The following BCAT1 variants were observed in gnomAD, a reference collection of about 807,000 sequenced individuals.
The protein encoded by BCAT1 is branched-chain-amino-acid aminotransferase, cytosolic.
In BCAT1, 48 loss-of-function variants were observed where a neutral mutation model predicts 52.4. The observed-to-expected ratio is 0.92, with a 90% CI of 0.73 to 1.16. BCAT1 has a LOEUF of 1.16. Ranked by LOEUF, BCAT1 falls within the 50% of genes most tolerant of loss-of-function variation. The pLI is 0.00. For missense variants in BCAT1, 451 were observed against 457.1 expected (o/e 0.99, Z 0.12); for synonymous variants, 167 against 161.3 (o/e 1.04, Z -0.27).
At chr12:24,906,532 AATAG>A (rs1221071720) in intron 1 of BCAT1, among the ~76,000 whole-genome samples, 3 of 152,210 alleles carry the variant, frequency 2.0e-5, no homozygotes, top group African/African-American at 7.2e-5. Context: ...AAAATGAGAC[AATAG>A]CAACACTTCA....
intron 10 of BCAT1, among the ~76,000 whole-genome samples, chr12:24,818,953 C>T (rs954556660): frequency 7.2e-5 from 11 of 152,146 alleles, no homozygotes; most frequent in Admixed American, 2.6e-4. Context: ...AGGCCAATGT[C>T]ATCATGCCAG....
chr12:24,846,024 C>A (rs934379504), intron 6 of BCAT1, among the ~76,000 whole-genome samples: 4 of 152,170 alleles, frequency 2.6e-5, no homozygotes, highest in Non-Finnish European at 5.9e-5. Context: ...GCCCTTTAGA[C>A]TGTATTAAAA....
intron 5 of BCAT1, among the ~76,000 whole-genome samples, chr12:24,850,985 G>C (rs1456447036): frequency 6.6e-6 from 1 of 152,132 alleles, no homozygotes; most frequent in Non-Finnish European, 1.5e-5. Context: ...ACACTGTAAA[G>C]CCAGAAGCCC....
chr12:24,832,757 A>T lies in BCAT1; in HGVS notation c.1010T>A (p.Val337Asp). The T allele has an allele frequency of 6.2e-7, 1 of 1,611,402 alleles. No individual in the cohort carries two copies. The highest frequency in any genetic ancestry group is 8.5e-7 in the Non-Finnish European group (1 of 1,178,664). ...GTACAGTATATCAGAAACTGGGCAA[A>T]CAACACAGGCTGTACCAGAGCCAAA... The part of the protein sequence containing the change: ...EMFGSGTACV[V>D]CPVSDILYKG... Residue 337 changes from valine (V) to aspartate (D), a missense_variant, in exon 9 of 11, where the codon GTT becomes GAT. Transcript: ENST00000261192.
intron 5 of BCAT1, among the ~76,000 whole-genome samples, chr12:24,874,665 T>A (rs958941492): frequency 6.6e-6 from 1 of 152,174 alleles, no homozygotes; most frequent in Non-Finnish European, 1.5e-5. Flanking sequence ...GGATGGTGAG[T>A]CCTTTAAAAG....
intron 5 of BCAT1, among the ~76,000 whole-genome samples, chr12:24,851,434 A>G (rs192853931): frequency 1.7e-3 from 265 of 152,364 alleles, no homozygotes; most frequent in African/African-American, 6.1e-3. Context: ...CACCAAAATC[A>G]GGCAGGTAAA....
intron 5 of BCAT1, among the ~76,000 whole-genome samples, chr12:24,866,934 T>C (rs1455163645): frequency 6.6e-6 from 1 of 152,064 alleles, no homozygotes; most frequent in Non-Finnish European, 1.5e-5. Flanking sequence ...GAAGCTTTGT[T>C]CTCTCGCTCT....
At chr12:24,943,756 G>A (rs543718584) in intron 1 of BCAT1, among the ~76,000 whole-genome samples, 7 of 152,200 alleles carry the variant, frequency 4.6e-5, no homozygotes, top group South Asian at 4.2e-4. Flanking sequence ...TGGCCGAGGC[G>A]GGCAGATCAC....
intron 1 of BCAT1, among the ~76,000 whole-genome samples, chr12:24,941,472 G>C (rs1323331713): frequency 6.6e-6 from 1 of 152,200 alleles, no homozygotes; most frequent in East Asian, 1.9e-4. Flanking sequence ...AGTGTGGAAA[G>C]ATGTATGTGC....
chr12:24,849,022 G>A (rs981010132), intron 6 of BCAT1, among the ~76,000 whole-genome samples: 12 of 152,218 alleles, frequency 7.9e-5, no homozygotes, highest in Non-Finnish European at 1.6e-4. Context: ...GTCCTACCAG[G>A]GCCCACAAGA....
At position 24,893,437 on chromosome 12, in the gene BCAT1, C is replaced by T. The variant is rs11047691; in HGVS notation, c.279+838G>A. On this transcript the variant is annotated intron_variant, in intron 3 of 10. Transcript: ENST00000261192. Reference sequence around the variant, plus strand: ...AAGGTTCCTATGGAGCAAATGAGACCGAATTTGAGCCCAGGATGTCTGACT... The same window carrying T: ...AAGGTTCCTATGGAGCAAATGAGACTGAATTTGAGCCCAGGATGTCTGACT... Among the ~76,000 whole-genome samples the T allele has an allele frequency of 9.3e-3, 1,408 of 152,020 alleles. 24 individuals are homozygous for T. Among genetic ancestry groups the T allele is most frequent in the African/African-American group, 0.032 (1,308 of 41,444 alleles).
intron 1 of BCAT1, among the ~76,000 whole-genome samples, chr12:24,928,456 G>A (rs1026323465): frequency 1.3e-5 from 2 of 151,970 alleles, no homozygotes; most frequent in African/African-American, 4.8e-5. Context: ...CTGGGCAAAA[G>A]GGGGATCTGG....
intron 6 of BCAT1, among the ~76,000 whole-genome samples, chr12:24,844,655 T>C (rs1941280835): frequency 6.6e-6 from 1 of 150,988 alleles, no homozygotes; most frequent in African/African-American, 2.4e-5. Context: ...TCCCAGCACT[T>C]TGGGAGGCGA....
At chr12:24,868,621 T>G (rs1000732710) in intron 5 of BCAT1, among the ~76,000 whole-genome samples, 1 of 152,158 alleles carries the variant, frequency 6.6e-6, no homozygotes, top group African/African-American at 2.4e-5. Context: ...ATATGTTACT[T>G]GATAACAAAG....
In BCAT1 at chr12:24,812,787, G is replaced by T. The variant is rs995900748; in HGVS notation, c.*5221C>A. The T allele has an allele frequency of 6.6e-6, 1 of 151,852 alleles. No individual in the cohort carries two copies. Among genetic ancestry groups the T allele is most frequent in the Non-Finnish European group, 1.5e-5 (1 of 67,860 alleles). 9.4% of individuals were successfully genotyped at this position (151,852 alleles called of 1,614,324 possible). ...TCCAGAATCCAATAGTGAGCAACAG[G>T]AAACCTAGCCATTGTGATAGTGGAT... On this transcript the variant is annotated 3_prime_UTR_variant, in exon 11 of 11. Coordinates refer to ENST00000261192, the MANE Select transcript of BCAT1 (RefSeq NM_005504.7).
intron 8 of BCAT1, chr12:24,834,538 T>C (rs1047484190): frequency 4.1e-6 from 4 of 974,000 alleles, no homozygotes; most frequent in Non-Finnish European, 4.9e-6. Flanking sequence ...TTTAAAAAAA[T>C]AAGATGAGTA....
At chr12:24,866,153 C>T (rs1011513429) in intron 5 of BCAT1, among the ~76,000 whole-genome samples, 2 of 152,326 alleles carry the variant, frequency 1.3e-5, no homozygotes, top group South Asian at 2.1e-4. Context: ...GTGGGCTTGG[C>T]AGGCCCCACA....
chr12:24,875,145 C>A (rs1394185316), intron 5 of BCAT1, among the ~76,000 whole-genome samples: 1 of 152,118 alleles, frequency 6.6e-6, no homozygotes, highest in Admixed American at 6.5e-5. Flanking sequence ...GAAAGAATCC[C>A]AGCAAACCTG....
chr12:24,859,534 T>C (rs1396923277), intron 5 of BCAT1, among the ~76,000 whole-genome samples: 1 of 141,030 alleles, frequency 7.1e-6, no homozygotes, highest in African/African-American at 2.7e-5. Flanking sequence ...GGCAGGAGAA[T>C]GGTGTGAACC....
Sources: gnomAD v4.1 joint callset for allele counts (sites outside exome capture counted in the v4.1 genomes callset) on GRCh38, gnomAD v4.1.1 for gene constraint, MANE v1.5 for transcripts, NCBI Gene and HGNC (gene_info 2026-07-23, HGNC 2026-07-21) for gene names.